DCDC2C: variants seen among roughly 807,000 people sequenced by gnomAD.
DCDC2C encodes the protein doublecortin domain-containing protein 2C.
Under a neutral mutation model 45.0 loss-of-function variants are expected in DCDC2C, and 44 were observed. That is an observed-to-expected ratio of 0.98 (90% CI 0.77 to 1.26). The LOEUF is 1.26. Among genes scored for constraint, DCDC2C ranks in the 50% most tolerant of loss-of-function variants. The pLI is 0.00. For missense variants in DCDC2C, 447 were observed against 468.9 expected, an observed-to-expected ratio of 0.95 and a Z score of 0.43; for synonymous variants, 187 against 178.8, an observed-to-expected ratio of 1.05 and a Z score of -0.37.
chr2:3,773,114 C>T (rs2148161423), intron 8 of DCDC2C, among the ~76,000 whole-genome samples: 1 of 152,238 alleles, frequency 6.6e-6, no homozygotes, highest in Non-Finnish European at 1.5e-5. Context: ...GAAGGCTTAG[C>T]TTGTGGGAAC....
intron 10 of DCDC2C, among the ~76,000 whole-genome samples, chr2:3,836,146 T>G (rs942742402): frequency 6.6e-6 from 1 of 152,100 alleles, no homozygotes; most frequent in African/African-American, 2.4e-5. Flanking sequence ...ATTTCACCAG[T>G]GATGAAGTAA....
chr2:3,800,085 A>G (rs1268651543), intron 10 of DCDC2C, among the ~76,000 whole-genome samples: 1 of 152,186 alleles, frequency 6.6e-6, no homozygotes, highest in Non-Finnish European at 1.5e-5. Context: ...CCGTTTTTTA[A>G]GCCCGTTGGA....
At chr2:3,809,134 T>C (rs1242323210) in intron 10 of DCDC2C, among the ~76,000 whole-genome samples, 2 of 152,220 alleles carry the variant, frequency 1.3e-5, no homozygotes, top group Non-Finnish European at 2.9e-5. Context: ...ATATGAAGCT[T>C]TCTTGATTAC....
chr2:3,763,081 C>T (rs569979378), intron 6 of DCDC2C, among the ~76,000 whole-genome samples: 1 of 152,072 alleles, frequency 6.6e-6, no homozygotes, highest in African/African-American at 2.4e-5. Context: ...CTGAGAGAGC[C>T]CCTCCACACC....
At chr2:3,762,042 T>C (rs1572595870) in intron 6 of DCDC2C, among the ~76,000 whole-genome samples, 1 of 152,130 alleles carries the variant, frequency 6.6e-6, no homozygotes, top group African/African-American at 2.4e-5. Context: ...GAGCTCACAT[T>C]GATTTTGGAG....
chr2:3,813,745 T>G (rs1274386862), intron 10 of DCDC2C, among the ~76,000 whole-genome samples: 1 of 150,870 alleles, frequency 6.6e-6, no homozygotes, highest in African/African-American at 2.4e-5. Context: ...TTTTTTTTTT[T>G]TTTTGCTTCC....
chr2:3,791,112 A>G (rs1670798970), intron 10 of DCDC2C, among the ~76,000 whole-genome samples: 1 of 152,148 alleles, frequency 6.6e-6, no homozygotes, highest in Admixed American at 6.5e-5. Context: ...CTGTCTCAAA[A>G]AAAAAGAAAA....
intron 8 of DCDC2C, among the ~76,000 whole-genome samples, chr2:3,774,613 A>G (rs1670278787): frequency 1.3e-5 from 2 of 152,118 alleles, no homozygotes; most frequent in Non-Finnish European, 2.9e-5. Flanking sequence ...ACCCCTCTGA[A>G]AGCTGCCGCG....
At chr2:3,731,512 G>T (rs1284827645) in intron 3 of DCDC2C, among the ~76,000 whole-genome samples, 1 of 152,170 alleles carries the variant, frequency 6.6e-6, no homozygotes, top group Non-Finnish European at 1.5e-5. Context: ...AGAGCTAACC[G>T]GGAGTAGATC....
chr2:3,841,361 A>G (rs1227879171), intron 10 of DCDC2C, among the ~76,000 whole-genome samples: 2 of 151,612 alleles, frequency 1.3e-5, no homozygotes, highest in East Asian at 3.9e-4. Flanking sequence ...TTGAAAATGC[A>G]TTTTAAACAG....
chr2:3,737,764 G>A (rs1175441493), intron 3 of DCDC2C, among the ~76,000 whole-genome samples: 1 of 152,182 alleles, frequency 6.6e-6, no homozygotes, highest in African/African-American at 2.4e-5. Flanking sequence ...TGAGGAAATG[G>A]CAGCTGTCAT....
At chr2:3,814,520 G>A (rs1202579430) in intron 10 of DCDC2C, among the ~76,000 whole-genome samples, 2 of 152,152 alleles carry the variant, frequency 1.3e-5, no homozygotes, top group African/African-American at 4.8e-5. Context: ...CTGTCAATTC[G>A]TCCATCTGAT....
intron 8 of DCDC2C, among the ~76,000 whole-genome samples, chr2:3,776,565 TTCCCTC>T (rs1236361211): frequency 6.6e-6 from 1 of 152,228 alleles, no homozygotes; most frequent in African/African-American, 2.4e-5. Flanking sequence ...GACTTCCCTT[TTCCCTC>T]TGGCCGCTCG....
At chr2:3,727,998 C>T (rs1039777599) in intron 3 of DCDC2C, among the ~76,000 whole-genome samples, 1 of 152,194 alleles carries the variant, frequency 6.6e-6, no homozygotes, top group African/African-American at 2.4e-5. Context: ...ACATGGATAT[C>T]TTTCCATTTT....
intron 10 of DCDC2C, among the ~76,000 whole-genome samples, chr2:3,838,141 G>A (rs537981066): frequency 6.6e-6 from 1 of 152,156 alleles, no homozygotes; most frequent in African/African-American, 2.4e-5. Context: ...AGGCATGTCC[G>A]GGGCAGGCAG....
chr2:3,845,016 C>G (rs1414821952), intron 10 of DCDC2C, among the ~76,000 whole-genome samples: 1 of 152,102 alleles, frequency 6.6e-6, no homozygotes, highest in African/African-American at 2.4e-5. Context: ...CATGCATTTG[C>G]CGATATAGGT....
At chr2:3,810,328 A>G (rs1412756531) in intron 10 of DCDC2C, among the ~76,000 whole-genome samples, 1 of 152,168 alleles carries the variant, frequency 6.6e-6, no homozygotes, top group African/African-American at 2.4e-5. Context: ...TTTGATTTGC[A>G]TTTATCTGAT....
intron 10 of DCDC2C, among the ~76,000 whole-genome samples, chr2:3,807,494 T>C (rs1390093986): frequency 1.3e-5 from 2 of 152,222 alleles, no homozygotes. Flanking sequence ...TTCAGTTTTA[T>C]GATTCTCATA....
intron 4 of DCDC2C, among the ~76,000 whole-genome samples, chr2:3,747,157 A>G (rs1261142867): frequency 6.6e-6 from 1 of 152,206 alleles, no homozygotes; most frequent in African/African-American, 2.4e-5. Context: ...CGCAGCACAC[A>G]GCACACACAT....
Sources: gnomAD v4.1 joint callset for allele counts (sites outside exome capture counted in the v4.1 genomes callset) on GRCh38, gnomAD v4.1.1 for gene constraint, MANE v1.5 for transcripts, NCBI Gene and HGNC (gene_info 2026-07-23, HGNC 2026-07-21) for gene names.